TNFRSF10A: variants seen among roughly 807,000 people sequenced by gnomAD.
TNFRSF10A encodes the protein TNF receptor superfamily member 10a, also known as tumor necrosis factor receptor superfamily member 10A.
Under a neutral mutation model 42.8 loss-of-function variants are expected in TNFRSF10A, and 44 were observed. The observed-to-expected ratio is 1.03, with a 90% CI of 0.81 to 1.32. TNFRSF10A has a LOEUF of 1.32. Ranked by LOEUF, TNFRSF10A falls within the 40% of genes most tolerant of loss-of-function variation. The probability of loss-of-function intolerance (pLI) is 0.00; values close to 1 mark genes in which losing one functional copy is unlikely to be tolerated. For missense variants in TNFRSF10A, 680 were observed against 602.0 expected (o/e 1.13, Z -1.36); for synonymous variants, 259 against 234.2 (o/e 1.11, Z -0.97).
intron 2 of TNFRSF10A, among the ~76,000 whole-genome samples, chr8:23,208,539 T>C (rs1441842613): frequency 6.6e-6 from 1 of 152,128 alleles, no homozygotes; most frequent in Non-Finnish European, 1.5e-5. Flanking sequence ...TCACTGCAAG[T>C]CCGCCTCCTG....
chr8:23,198,878 A>T (rs888547623), intron 8 of TNFRSF10A, among the ~76,000 whole-genome samples: 1 of 152,256 alleles, frequency 6.6e-6, no homozygotes, highest in Non-Finnish European at 1.5e-5. Context: ...ATTTGGGCAG[A>T]GATTTAGATC....
chr8:23,225,062 C>T lies in TNFRSF10A; in HGVS notation c.-1G>A, dbSNP rs1307702221. On this transcript the variant is annotated 5_prime_UTR_variant, in exon 1 of 10. Transcript: ENST00000221132. ...GTACTCTAGCTGGTGGTGGCGCCAT[C>T]CTGCCAGGTCAATCCAAGAAGCAGC... The T allele has an allele frequency of 7.9e-6, 12 of 1,511,356 alleles. No homozygotes were observed. Among genetic ancestry groups the T allele is most frequent in the Admixed American group, 2.1e-5 (1 of 47,566 alleles). The allele number at this position is 1,511,356 out of a possible 1,614,324, so 93.6% of individuals were successfully genotyped here. A position where few individuals can be genotyped will look rare whatever the true frequency, so the allele number is the denominator to read the frequency against.
At chr8:23,223,662 TG>T (rs1325747092) in intron 1 of TNFRSF10A, among the ~76,000 whole-genome samples, 8 of 152,250 alleles carry the variant, frequency 5.3e-5, no homozygotes, top group African/African-American at 1.9e-4. Flanking sequence ...TCCTGACACT[TG>T]TAAGACTGGT....
intron 2 of TNFRSF10A, among the ~76,000 whole-genome samples, chr8:23,204,617 A>C (rs1465528279): frequency 6.6e-6 from 1 of 152,214 alleles, no homozygotes; most frequent in Non-Finnish European, 1.5e-5. Context: ...TTTAAAGTGC[A>C]CATAGAACAT....
At chr8:23,216,852 T>C (rs1250883651) in intron 1 of TNFRSF10A, among the ~76,000 whole-genome samples, 1 of 152,262 alleles carries the variant, frequency 6.6e-6, no homozygotes, top group East Asian at 1.9e-4. Flanking sequence ...TTCTAGATAT[T>C]GTTATTGCTT....
chr8:23,215,880 G>A (rs150749218), intron 1 of TNFRSF10A, among the ~76,000 whole-genome samples: 72 of 151,250 alleles, frequency 4.8e-4, no homozygotes, highest in Admixed American at 1.3e-3. Flanking sequence ...GTGCAGTGGC[G>A]TGATCTCGGC....
Position 23,201,930 on chromosome 8 carries a change from A to C in TNFRSF10A, c.518-11T>G, listed in dbSNP as rs762954853. The C allele has an allele frequency of 1.6e-5, 25 of 1,612,832 alleles. No homozygotes were observed. The highest frequency in any genetic ancestry group is 2.1e-5 in the Non-Finnish European group (25 of 1,179,124). On this transcript the variant is annotated splice_polypyrimidine_tract_variant and intron_variant, in intron 3 of 9. Transcript: ENST00000221132. ...TTCTCTCTTCTTCATCTGATGACAGAGTACAAGGTTTTGGGAATGTGTTTC... is the reference window on the plus strand; with the variant it reads ...TTCTCTCTTCTTCATCTGATGACAGCGTACAAGGTTTTGGGAATGTGTTTC...
At chr8:23,222,113 G>A (rs377383806) in intron 1 of TNFRSF10A, among the ~76,000 whole-genome samples, 10 of 152,224 alleles carry the variant, frequency 6.6e-5, no homozygotes, top group Admixed American at 1.3e-4. Context: ...TCCTGACCTC[G>A]TGATCCACCT....
intron 2 of TNFRSF10A, chr8:23,207,350 A>G (rs535099898): frequency 3.4e-6 from 2 of 585,340 alleles, no homozygotes; most frequent in South Asian, 2.7e-5. Flanking sequence ...GATGTTGCCA[A>G]CAAAATTGGG....
rs1440751652 is a variant in TNFRSF10A, at chr8:23,200,545, C to A, written c.759G>T (p.Leu253=). The A allele has an allele frequency of 6.2e-7, 1 of 1,614,212 alleles. No individual in the cohort carries two copies. Among genetic ancestry groups the A allele is most frequent in the East Asian group, 2.2e-5 (1 of 44,884 alleles). The stretch of plus-strand genomic sequence containing the variant: ...AACAGACAATCAGCACAGCCACCAA[C>A]AGCAACGGAACAACCAAAGTCACAA... The part of the protein sequence containing the change: ...ILVVTLVVPL[L]LVAVLIVCCC... The change falls in exon 6 of 10, where the codon CTG becomes CTT. Residue 253 remains leucine, a synonymous_variant. Coordinates refer to ENST00000221132, the MANE Select transcript of TNFRSF10A (RefSeq NM_003844.4).
In TNFRSF10A at chr8:23,200,774, G is replaced by A. The variant is rs759200345; in HGVS notation, c.630-14C>T. On this transcript the variant is annotated splice_polypyrimidine_tract_variant and intron_variant, in intron 4 of 9. Coordinates refer to ENST00000221132, the MANE Select transcript of TNFRSF10A (RefSeq NM_003844.4). ...CCTCTGGGGCACCTGGGTACACACA[G>A]GGAGGGAGGGGGGGGACTCTTGATG... The A allele has an allele frequency of 1.9e-6, 3 of 1,545,350 alleles. No homozygotes were observed. The highest frequency in any genetic ancestry group is 1.8e-4 in the Middle Eastern group (1 of 5,538).
Position 23,212,162 on chromosome 8 carries a change from G to A in TNFRSF10A, c.357C>T (p.Gly119=), listed in dbSNP as rs1447082448. 4 of 1,613,836 alleles carry A rather than the reference G, an allele frequency of 2.5e-6. No homozygotes were observed. In the South Asian group the frequency reaches 4.4e-5, roughly 18 times the overall value. Residue 119 remains glycine (G), a synonymous_variant, in exon 2 of 10, where the codon GGC becomes GGT. Coordinates refer to ENST00000221132, the MANE Select transcript of TNFRSF10A (RefSeq NM_003844.4). ...ATIKLHDQSI[G]TQQWEHSPLG... is the part of the protein sequence containing the mutation. ...AAGGGCTATGTTCCCATTGCTGTGTGCCAATTGATTGATCATGAAGTTTGA... is the reference window on the plus strand; with the variant it reads ...AAGGGCTATGTTCCCATTGCTGTGTACCAATTGATTGATCATGAAGTTTGA...
intron 1 of TNFRSF10A, among the ~76,000 whole-genome samples, chr8:23,218,302 T>C (rs1801212983): frequency 6.6e-6 from 1 of 152,148 alleles, no homozygotes; most frequent in South Asian, 2.1e-4. Context: ...CCTTGCCTTG[T>C]TCCTCTCGGA....
chr8:23,196,477 T>C (rs1353063480), intron 9 of TNFRSF10A, among the ~76,000 whole-genome samples: 1 of 152,202 alleles, frequency 6.6e-6, no homozygotes, highest in Non-Finnish European at 1.5e-5. Flanking sequence ...ATTACAGGCA[T>C]AAGCCACCGT....
At chr8:23,198,086 A>G (rs527467354) in intron 8 of TNFRSF10A, among the ~76,000 whole-genome samples, 2 of 152,166 alleles carry the variant, frequency 1.3e-5, no homozygotes, top group African/African-American at 4.8e-5. Flanking sequence ...ACTGAATGGA[A>G]CAGTCTAGGT....
chr8:23,219,823 C>T (rs749900352), intron 1 of TNFRSF10A, among the ~76,000 whole-genome samples: 3 of 152,192 alleles, frequency 2.0e-5, no homozygotes, highest in Non-Finnish European at 2.9e-5. Context: ...TGACCTAAGC[C>T]ACACAAATAT....
chr8:23,204,512 A>T (rs2128848826), intron 2 of TNFRSF10A, among the ~76,000 whole-genome samples: 1 of 152,344 alleles, frequency 6.6e-6, no homozygotes. Flanking sequence ...AAGAACATCA[A>T]CAAGAAAGTA....
rs1294319313 is a variant in TNFRSF10A, at chr8:23,224,866, C to T, written c.196G>A (p.Ala66Thr). ...PTSMGQHGPS[A>T]RARAGRAPGP... The stretch of plus-strand genomic sequence containing the variant: ...GGGGCGCGCCCTGCCCGGGCCCGGG[C>T]ACTGGGTCCGTGCTGTCCCATGGAG... The change falls in exon 1 of 10, where the codon GCC (alanine) becomes ACC (threonine). Residue 66 changes from alanine (A) to threonine (T), a missense_variant. Coordinates refer to ENST00000221132, the MANE Select transcript of TNFRSF10A (RefSeq NM_003844.4). The T allele has an allele frequency of 6.4e-7, 1 of 1,574,246 alleles. No homozygotes were observed. Among genetic ancestry groups the T allele is most frequent in the African/African-American group, 1.4e-5 (1 of 73,996 alleles).
intron 1 of TNFRSF10A, among the ~76,000 whole-genome samples, chr8:23,221,691 A>G (rs7842021): frequency 0.48 from 73,609 of 151,974 alleles, 19,362 homozygotes; most frequent in East Asian, 0.98. Flanking sequence ...TCCCTCCCCA[A>G]CGGTCTAATC....
Sources: gnomAD v4.1 joint callset for allele counts (sites outside exome capture counted in the v4.1 genomes callset) on GRCh38, gnomAD v4.1.1 for gene constraint, MANE v1.5 for transcripts, NCBI Gene and HGNC (gene_info 2026-07-23, HGNC 2026-07-21) for gene names.